Variants in NYAP2 observed in about 807,000 individuals in gnomAD.
The protein encoded by NYAP2 is neuronal tyrosine-phosphorylated phosphoinositide-3-kinase adaptor 2, also known as neuronal tyrosine-phosphorylated phosphoinositide-3-kinase adapter 2.
NYAP2 carries 23 observed loss-of-function variants against 50.4 expected under a neutral mutation model. That is an observed-to-expected ratio of 0.46 (90% CI 0.33 to 0.65). NYAP2 has a LOEUF of 0.65. Ranked by LOEUF, NYAP2 falls within the 30% of genes least tolerant of loss-of-function variation. The pLI is 0.02. For synonymous variants in NYAP2, 394 were observed against 365.2 expected, an observed-to-expected ratio of 1.08 and a Z score of -0.90; for missense variants, 885 against 861.0, an observed-to-expected ratio of 1.03 and a Z score of -0.35.
At position 225,592,625 on chromosome 2, in the gene NYAP2, C is replaced by T. The variant is rs1390770850; in HGVS notation, c.1618+9590C>T. Among the ~76,000 whole-genome samples, 6 of 151,988 alleles carry T rather than the reference C, an allele frequency of 3.9e-5. No homozygotes were observed. The East Asian group carries it at 1.2e-3, about 29-fold the overall frequency. ...GTAAAATTCCTTGATTTTGAAAATT[C>T]GTGTGACTCCTTGGTTAATTGGGAC... On this transcript the variant is annotated intron_variant, in intron 5 of 6. Coordinates refer to ENST00000636099, the Ensembl canonical transcript of NYAP2.
intron 3 of NYAP2, among the ~76,000 whole-genome samples, chr2:225,444,250 A>G (rs369028538): frequency 1.9e-3 from 109 of 56,830 alleles, no homozygotes; most frequent in African/African-American, 8.0e-3. Flanking sequence ...CTTAACATAT[A>G]TGGTCTAACA....
chr2:225,581,796 T>G (rs752504387), intron 4 of NYAP2, 145 bp from the exon 5 acceptor site: 21 of 755,744 alleles, frequency 2.8e-5, no homozygotes, highest in Admixed American at 5.6e-5. Flanking sequence ...GACTCTTTGG[T>G]TGATTTTTAC....
At chr2:225,454,066 G>C (rs1053837953) in intron 3 of NYAP2, among the ~76,000 whole-genome samples, 15 of 152,064 alleles carry the variant, frequency 9.9e-5, no homozygotes, top group Admixed American at 9.2e-4. Context: ...GCCTATGTTT[G>C]TAATTCCAAC....
chr2:225,456,700 T>C (rs1490137534), intron 3 of NYAP2, among the ~76,000 whole-genome samples: 3 of 152,144 alleles, frequency 2.0e-5, no homozygotes, highest in African/African-American at 7.2e-5. Context: ...CTAGACCACA[T>C]AGGCCAACTT....
intron 4 of NYAP2, among the ~76,000 whole-genome samples, chr2:225,535,279 G>A (rs1691328135): frequency 6.6e-6 from 1 of 152,208 alleles, no homozygotes; most frequent in Non-Finnish European, 1.5e-5. Flanking sequence ...AGCCAGCCCA[G>A]AAGAAAATGT....
chr2:225,473,271 G>A (rs759175699), intron 3 of NYAP2, among the ~76,000 whole-genome samples: 8 of 152,212 alleles, frequency 5.3e-5, no homozygotes, highest in Middle Eastern at 3.4e-3. Context: ...ATAAACATAC[G>A]TGTGCATGTG....
At chr2:225,668,056 C>G in the NYAP2 span, among the ~76,000 whole-genome samples, 1 of 151,992 alleles carries the variant, frequency 6.6e-6, no homozygotes, top group Non-Finnish European at 1.5e-5. Flanking sequence ...AATATTATAC[C>G]CCTCCCCAGT....
At chr2:225,648,842 T>C (rs1324383545) in intron 6 of NYAP2, among the ~76,000 whole-genome samples, 1 of 152,158 alleles carries the variant, frequency 6.6e-6, no homozygotes, top group Non-Finnish European at 1.5e-5. Context: ...AACCTGCATT[T>C]GACTCCAAGG....
At chr2:225,467,651 G>A (rs1689942234) in intron 3 of NYAP2, among the ~76,000 whole-genome samples, 1 of 152,116 alleles carries the variant, frequency 6.6e-6, no homozygotes, top group South Asian at 2.1e-4. Context: ...AATTAGCAAA[G>A]CATTGATCAG....
intron 3 of NYAP2, among the ~76,000 whole-genome samples, chr2:225,507,158 C>G (rs1690721792): frequency 6.6e-6 from 1 of 152,172 alleles, no homozygotes; most frequent in Non-Finnish European, 1.5e-5. Flanking sequence ...ATCTAGCTAT[C>G]AGTCTACATC....
rs1317023107 is a variant in NYAP2 at position 225,644,193 on chromosome 2, G to A, written c.1829-7239G>A. On this transcript the variant is annotated intron_variant, in intron 6 of 6. Coordinates refer to ENST00000636099, the Ensembl canonical transcript of NYAP2. ...GATTTGCATTTCTCTGATGGCCAGT[G>A]ATGCTGAGCATTTTTTCATGTGTTT... Among the ~76,000 whole-genome samples the A allele has an allele frequency of 3.9e-5, 6 of 152,204 alleles. No homozygotes were observed. In the South Asian group the frequency reaches 1.2e-3, roughly 31 times the overall value.
chr2:225,511,327 A>AACAC (rs571887973), intron 3 of NYAP2, among the ~76,000 whole-genome samples: 4,369 of 129,748 alleles, frequency 0.034, 122 homozygotes, highest in African/African-American at 0.07. Context: ...CGTTCTTTAA[A>AACAC]ACACACACAC....
At chr2:225,511,356 A>G (rs1173754807) in intron 3 of NYAP2, among the ~76,000 whole-genome samples, 1 of 144,394 alleles carries the variant, frequency 6.9e-6, no homozygotes, top group African/African-American at 2.6e-5. Flanking sequence ...ACACACACAC[A>G]CACACACACA....
chr2:225,622,558 TTTTTCTTTCTTTCTTTCTTTCTTCTTTC>T (rs1693133219), intron 5 of NYAP2, among the ~76,000 whole-genome samples: 39 of 21,174 alleles, frequency 1.8e-3, no homozygotes, highest in Non-Finnish European at 1.4e-3. Flanking sequence ...TCTTTCTTTC[TTTTTCTTTCTTTCTTTCTTTCTTCTTTC>T]TTTTTTTTTT....
chr2:225,590,402 G>T (rs1195499227), intron 5 of NYAP2, among the ~76,000 whole-genome samples: 1 of 152,148 alleles, frequency 6.6e-6, no homozygotes, highest in Non-Finnish European at 1.5e-5. Context: ...TTAGGTGAGT[G>T]GTCCAAATGC....
intron 3 of NYAP2, among the ~76,000 whole-genome samples, chr2:225,497,599 G>T (rs1288139198): frequency 6.6e-6 from 1 of 152,144 alleles, no homozygotes; most frequent in African/African-American, 2.4e-5. Flanking sequence ...ACCTGACCTG[G>T]GTTTATATGT....
At chr2:225,476,420 A>C (rs955383492) in intron 3 of NYAP2, among the ~76,000 whole-genome samples, 52 of 152,196 alleles carry the variant, frequency 3.4e-4, no homozygotes, top group African/African-American at 1.2e-3. Context: ...CTCAAAAAAA[A>C]AAAAAAAAAA....
the NYAP2 span, among the ~76,000 whole-genome samples, chr2:225,681,714 A>G: frequency 2.0e-5 from 3 of 152,162 alleles, no homozygotes; most frequent in African/African-American, 2.4e-5. Context: ...CACAACCTCA[A>G]TTGCAGAGCC....
intron 5 of NYAP2, among the ~76,000 whole-genome samples, chr2:225,586,848 A>G (rs532730939): frequency 1.4e-4 from 22 of 152,318 alleles, no homozygotes; most frequent in Middle Eastern, 6.8e-3. Flanking sequence ...TTTAACCCTC[A>G]TATCAGTCCA....
Sources: allele counts gnomAD v4.1 joint callset (sites outside exome capture counted in the v4.1 genomes callset), GRCh38; gene constraint gnomAD v4.1.1; transcripts MANE v1.5; gene names NCBI Gene and HGNC (gene_info 2026-07-23, HGNC 2026-07-21).